Variants in ACOXL observed in about 807,000 individuals in gnomAD.
The protein encoded by ACOXL is acyl-CoA oxidase like.
In ACOXL, 70 loss-of-function variants were observed where a neutral mutation model predicts 71.9. The ratio of observed to expected loss-of-function variants is 0.97; its 90% CI spans 0.80 to 1.19. The LOEUF (loss-of-function observed/expected upper bound fraction) is 1.19, where lower values mean the gene tolerates loss of function less well. ACOXL is among the 50% of genes most tolerant of loss of function. ACOXL has a pLI of 0.00. For synonymous variants in ACOXL, 253 were observed against 281.6 expected (o/e 0.90, Z 1.02); for missense variants, 703 against 736.3 (o/e 0.95, Z 0.52).
At chr2:111,098,519 G>C (rs2068936978) in intron 17 of ACOXL, 1 of 152,184 alleles carries the variant, frequency 6.6e-6, no homozygotes, top group Admixed American at 6.5e-5. Context: ...GAGCAGAAGA[G>C]ACTCAGGAGA....
intron 10 of ACOXL, among the ~76,000 whole-genome samples, chr2:110,885,616 G>A (rs1384611501): frequency 1.3e-5 from 2 of 152,106 alleles, no homozygotes; most frequent in South Asian, 2.1e-4. Context: ...TCGACTCCAC[G>A]AAAGCCCATT....
chr2:110,768,649 A>G, intron 2 of ACOXL, among the ~76,000 whole-genome samples, 185 bp downstream of exon 2: 1 of 152,066 alleles, frequency 6.6e-6, no homozygotes. Flanking sequence ...TCCTCACCCC[A>G]GTAGTGGGCA....
At chr2:110,732,860 A>C (rs75508216) in intron 1 of ACOXL, 86 bp downstream of exon 1, 6,569 of 152,216 alleles carry the variant, frequency 0.043, 212 homozygotes, top group African/African-American at 0.074. Context: ...GCTGCGGACA[A>C]CGCCCTGGCG....
At chr2:110,795,420 G>A (rs191648681) in intron 5 of ACOXL, among the ~76,000 whole-genome samples, 32 of 152,288 alleles carry the variant, frequency 2.1e-4, no homozygotes, top group Non-Finnish European at 1.5e-5. Context: ...AACTCCCTCT[G>A]TGTAGTATTC....
At chr2:110,805,797 A>G (rs561138672) in intron 9 of ACOXL, among the ~76,000 whole-genome samples, 2 of 152,234 alleles carry the variant, frequency 1.3e-5, no homozygotes, top group East Asian at 1.9e-4. Flanking sequence ...ATGTGTCTGT[A>G]TAGGGTGTAA....
At chr2:111,020,568 C>CGT (rs921089988) in intron 14 of ACOXL, among the ~76,000 whole-genome samples, 4 of 151,962 alleles carry the variant, frequency 2.6e-5, no homozygotes, top group African/African-American at 4.8e-5. Context: ...AGCGGGAAGC[C>CGT]GTGTGTGTGT....
chr2:110,989,216 A>T (rs144793517), intron 13 of ACOXL, among the ~76,000 whole-genome samples: 1 of 152,222 alleles, frequency 6.6e-6, no homozygotes, highest in East Asian at 1.9e-4. Flanking sequence ...GTGGACAGTC[A>T]GTTGTTCCGG....
intron 13 of ACOXL, among the ~76,000 whole-genome samples, chr2:110,991,552 C>G (rs2063174372): frequency 6.7e-6 from 1 of 149,208 alleles, no homozygotes; most frequent in Admixed American, 6.7e-5. Flanking sequence ...GAACTAGTTT[C>G]TAAGGAAACT....
At position 110,979,614 on chromosome 2, in the gene ACOXL, G is replaced by A. The variant is rs566229925; in HGVS notation, c.1060-7494G>A. On this transcript the variant is annotated intron_variant, in intron 12 of 17. Transcript: ENST00000439055. ...CACTGGGCCAGTTACAGATGGTGAC[G>A]GGAAGAGCACAGGGGGTGCGGGGCA... is the stretch of plus-strand genomic sequence containing the variant. Among the ~76,000 whole-genome samples, 12 of 152,276 alleles carry A rather than the reference G, an allele frequency of 7.9e-5. No homozygotes were observed. The South Asian group carries it at 1.9e-3, about 24-fold the overall frequency.
intron 2 of ACOXL, among the ~76,000 whole-genome samples, chr2:110,770,038 G>C (rs1681685710): frequency 6.6e-6 from 1 of 152,016 alleles, no homozygotes; most frequent in East Asian, 1.9e-4. Flanking sequence ...GTGAGACCCT[G>C]TCTCAAAATG....
intron 15 of ACOXL, among the ~76,000 whole-genome samples, chr2:111,035,422 C>T (rs764587138): frequency 6.6e-6 from 1 of 152,168 alleles, no homozygotes; most frequent in Non-Finnish European, 1.5e-5. Flanking sequence ...GCTCTGAAGC[C>T]TTGGTGCTGT....
Position 110,801,721 on chromosome 2 carries a change from A to T in ACOXL, c.617A>T (p.Asp206Val), listed in dbSNP as rs1011050943. The T allele has an allele frequency of 6.2e-7, 1 of 1,613,694 alleles. No individual in the cohort carries two copies. The highest frequency in any genetic ancestry group is 8.5e-7 in the Non-Finnish European group (1 of 1,179,596). The change falls in exon 8 of 18, where the codon GAT becomes GTT. Residue 206 changes from aspartate to valine, a missense_variant. Asp to Val is a radical substitution (Grantham distance 152). Transcript: ENST00000439055. ...KVRIPRENLL[D>V]KFGSVAPDGQ... is the part of the protein sequence containing the mutation. ...CGGATACCCAGGGAGAACCTGCTGG[A>T]TAAGTGAGTAGTTTCTCCTTAACTC...
At chr2:110,880,250 GC>G (rs987415575) in intron 10 of ACOXL, among the ~76,000 whole-genome samples, 2 of 151,922 alleles carry the variant, frequency 1.3e-5, no homozygotes, top group Non-Finnish European at 2.9e-5. Flanking sequence ...AGTGAAGAGT[GC>G]CCTCCCTGTC....
intron 1 of ACOXL, among the ~76,000 whole-genome samples, chr2:110,767,234 C>T (rs1681207963): frequency 1.3e-5 from 2 of 152,198 alleles, no homozygotes; most frequent in African/African-American, 4.8e-5. Flanking sequence ...AGGAACCTCT[C>T]CTCCTGTGTC....
At chr2:110,859,779 G>T (rs951320373) in intron 10 of ACOXL, among the ~76,000 whole-genome samples, 2 of 152,194 alleles carry the variant, frequency 1.3e-5, no homozygotes, top group African/African-American at 4.8e-5. Flanking sequence ...CCCAGGCTAA[G>T]GAGTGTGATG....
intron 15 of ACOXL, among the ~76,000 whole-genome samples, chr2:111,048,834 T>C (rs2066147133): frequency 6.6e-6 from 1 of 152,142 alleles, no homozygotes; most frequent in African/African-American, 2.4e-5. Context: ...TTGAGATTTT[T>C]TAAATTAGCA....
chr2:110,844,209 G>A (rs886829313), intron 10 of ACOXL, among the ~76,000 whole-genome samples: 1 of 152,216 alleles, frequency 6.6e-6, no homozygotes, highest in African/African-American at 2.4e-5. Flanking sequence ...AAGACTTACC[G>A]AGGAGCATGT....
intron 14 of ACOXL, among the ~76,000 whole-genome samples, chr2:111,003,935 C>A (rs1392123980): frequency 6.6e-6 from 1 of 152,186 alleles, no homozygotes; most frequent in African/African-American, 2.4e-5. Context: ...AAGGCAAAAC[C>A]TACGAACTTA....
chr2:110,918,073 G>A (rs2059929966), intron 11 of ACOXL, among the ~76,000 whole-genome samples: 1 of 152,168 alleles, frequency 6.6e-6, no homozygotes, highest in Non-Finnish European at 1.5e-5. Context: ...AATTTCATGT[G>A]GAACCAAAAA....
Sources: allele counts gnomAD v4.1 joint callset (sites outside exome capture counted in the v4.1 genomes callset), GRCh38; gene constraint gnomAD v4.1.1; transcripts MANE v1.5; gene names NCBI Gene and HGNC (gene_info 2026-07-23, HGNC 2026-07-21).